Variants in FOXP2 observed in about 807,000 individuals in gnomAD.
FOXP2 encodes the protein forkhead box protein P2.
In FOXP2, 12 loss-of-function variants were observed where a neutral mutation model predicts 115.8. The ratio of observed to expected loss-of-function variants is 0.10; its 90% CI spans 0.07 to 0.17. The LOEUF (loss-of-function observed/expected upper bound fraction) is 0.17. Ranked by LOEUF, FOXP2 falls within the 10% of genes least tolerant of loss-of-function variation. The pLI, the probability that FOXP2 is intolerant of heterozygous loss-of-function variation, is 1.00. For missense variants in FOXP2, 629 were observed against 843.5 expected (o/e 0.75, Z 3.15); for synonymous variants, 328 against 297.7 (o/e 1.10, Z -1.05).
At chr7:114,653,354 C>A (rs772961966) in intron 9 of FOXP2, 1 of 159,992 alleles carries the variant, frequency 6.3e-6, no homozygotes, top group Non-Finnish European at 1.4e-5. Context: ...AAGTAAGGTC[C>A]GTCAGTTGTA....
chr7:114,404,838 A>C (rs935670498), intron 2 of FOXP2, among the ~76,000 whole-genome samples: 1 of 151,930 alleles, frequency 6.6e-6, no homozygotes, highest in East Asian at 1.9e-4. Flanking sequence ...GAACTGACCA[A>C]CTTCAGTCAT....
At chr7:114,364,208 A>G (rs1243120941) in intron 2 of FOXP2, among the ~76,000 whole-genome samples, 1 of 152,126 alleles carries the variant, frequency 6.6e-6, no homozygotes. Flanking sequence ...CGGCTTGGTG[A>G]GGCATACATT....
chr7:114,611,136 T>C (rs1803605480), intron 3 of FOXP2, among the ~76,000 whole-genome samples: 1 of 152,186 alleles, frequency 6.6e-6, no homozygotes, highest in Admixed American at 6.5e-5. Flanking sequence ...ATAATGTTTC[T>C]TTATGAATGT....
At position 114,642,405 on chromosome 7, in the gene FOXP2, T is replaced by G. The variant is rs570792273; in HGVS notation, c.776-5T>G. Reference sequence around the variant, plus strand: ...ATGCTAGTGAAGCTTTCTTTCATTTTATAGCTGGCTTAAGTCCTGCTGAGA... The same window carrying G: ...ATGCTAGTGAAGCTTTCTTTCATTTGATAGCTGGCTTAAGTCCTGCTGAGA... On this transcript the variant is annotated splice_polypyrimidine_tract_variant and splice_region_variant and intron_variant, in intron 6 of 16. Transcript: ENST00000350908. 41 of 1,612,818 alleles carry G rather than the reference T, an allele frequency of 2.5e-5. No homozygotes were observed. Among genetic ancestry groups the G allele is most frequent in the Non-Finnish European group, 3.3e-5 (39 of 1,179,144 alleles).
At chr7:114,673,292 T>C (rs1157748451) in intron 16 of FOXP2, among the ~76,000 whole-genome samples, 1 of 152,208 alleles carries the variant, frequency 6.6e-6, no homozygotes. Context: ...ATGGTACCAA[T>C]TGTATCTCAG....
intron 1 of FOXP2, among the ~76,000 whole-genome samples, chr7:114,415,770 A>T (rs1477312104): frequency 6.6e-6 from 1 of 151,888 alleles, no homozygotes; most frequent in African/African-American, 2.4e-5. Context: ...GTTTGACCAC[A>T]CGTTTGGGTG....
chr7:114,113,844 G>T (rs990430015), intron 1 of FOXP2, among the ~76,000 whole-genome samples: 1 of 152,012 alleles, frequency 6.6e-6, no homozygotes, highest in African/African-American at 2.4e-5. Context: ...ACAGTTAAAA[G>T]CCCAACATGA....
intron 1 of FOXP2, among the ~76,000 whole-genome samples, chr7:114,201,248 A>T (rs1294843234): frequency 1.3e-5 from 2 of 152,164 alleles, no homozygotes; most frequent in Non-Finnish European, 2.9e-5. Context: ...ACATAAGAGG[A>T]TCTCTTGAGC....
chr7:114,472,701 T>A (rs1192921434), intron 2 of FOXP2, among the ~76,000 whole-genome samples: 2 of 152,154 alleles, frequency 1.3e-5, no homozygotes, highest in African/African-American at 4.8e-5. Context: ...CATTCATAGA[T>A]TTGTACTTGG....
At position 114,143,381 on chromosome 7, in the gene FOXP2, T is replaced by G. The variant is rs141215311; in HGVS notation, c.-246-19563T>G. ...GAGTTTTTCTTTCATAATTTGCCCT[T>G]GCTCCTAAAAAATGGAATATAAATT... On this transcript the variant is annotated intron_variant, in intron 1 of 19. Transcript: ENST00000635638. 3.0e-3 allele frequency among the ~76,000 whole-genome samples: 458 copies of G among 152,184 alleles called. 5 individuals carry two copies. Among genetic ancestry groups the G allele is most frequent in the African/African-American group, 0.011 (443 of 41,524 alleles).
At chr7:114,473,387 C>G (rs1007533475) in intron 2 of FOXP2, among the ~76,000 whole-genome samples, 10 of 152,138 alleles carry the variant, frequency 6.6e-5, no homozygotes, top group Non-Finnish European at 1.3e-4. Flanking sequence ...GAAGTGGCCC[C>G]AGAGCAAACT....
chr7:114,666,317 T>A (rs1202447036), intron 16 of FOXP2: 2 of 152,214 alleles, frequency 1.3e-5, no homozygotes, highest in East Asian at 3.9e-4. Context: ...AAATTTTAAT[T>A]ATCTTGCAGA....
chr7:114,113,491 C>T (rs1791326678), intron 1 of FOXP2, among the ~76,000 whole-genome samples: 1 of 152,172 alleles, frequency 6.6e-6, no homozygotes, highest in Non-Finnish European at 1.5e-5. Context: ...AGGCAGTCCT[C>T]CATTCTCAGC....
At chr7:114,567,261 G>C (rs1192767647) in intron 3 of FOXP2, among the ~76,000 whole-genome samples, 1 of 151,982 alleles carries the variant, frequency 6.6e-6, no homozygotes, top group Non-Finnish European at 1.5e-5. Context: ...TTAAGTATAT[G>C]GGTATCAGCA....
chr7:114,664,209 A>G (rs1156488965), intron 15 of FOXP2, 64 bp from the exon 16 acceptor site: 17 of 1,531,634 alleles, frequency 1.1e-5, no homozygotes, highest in South Asian at 2.3e-5. Context: ...AAGAAGATAC[A>G]TGTTTTAAAA....
At chr7:114,555,550 A>G (rs917391417) in intron 3 of FOXP2, among the ~76,000 whole-genome samples, 1 of 152,178 alleles carries the variant, frequency 6.6e-6, no homozygotes, top group South Asian at 2.1e-4. Flanking sequence ...TAATCTCAGC[A>G]CTTTGGGAGA....
chr7:114,117,939 G>C (rs1040980763), intron 1 of FOXP2, among the ~76,000 whole-genome samples: 4 of 151,976 alleles, frequency 2.6e-5, no homozygotes, highest in Non-Finnish European at 4.4e-5. Context: ...TCTTATAAGG[G>C]TCACTATTCC....
intron 2 of FOXP2, among the ~76,000 whole-genome samples, chr7:114,297,793 C>T (rs920990425): frequency 2.0e-5 from 3 of 152,186 alleles, no homozygotes; most frequent in Non-Finnish European, 4.4e-5. Flanking sequence ...AAACATGCTC[C>T]ATGTTCCCTT....
intron 1 of FOXP2, among the ~76,000 whole-genome samples, chr7:114,111,205 C>T (rs930977556): frequency 2.6e-5 from 4 of 152,114 alleles, no homozygotes; most frequent in Non-Finnish European, 5.9e-5. Context: ...CTTGCTTTGG[C>T]CGGTGCGACA....
Sources: allele counts gnomAD v4.1 joint callset (sites outside exome capture counted in the v4.1 genomes callset), GRCh38; gene constraint gnomAD v4.1.1; transcripts MANE v1.5; gene names NCBI Gene and HGNC (gene_info 2026-07-23, HGNC 2026-07-21).